Variants in NEK7 observed in about 807,000 individuals in gnomAD.
NEK7 encodes serine/threonine-protein kinase Nek7.
In NEK7, 18 loss-of-function variants were observed where a neutral mutation model predicts 44.6. The observed-to-expected ratio is 0.40, with a 90% CI of 0.28 to 0.60. The LOEUF is 0.60. NEK7 is among the 20% of genes least tolerant of loss of function. The pLI, the probability that NEK7 is intolerant of heterozygous loss-of-function variation, is 0.38. For synonymous variants in NEK7, 130 were observed against 121.1 expected, an observed-to-expected ratio of 1.07 and a Z score of -0.48; for missense variants, 256 against 366.5, an observed-to-expected ratio of 0.70 and a Z score of 2.46.
intron 2 of NEK7, among the ~76,000 whole-genome samples, chr1:198,252,446 T>G (rs1195803526): frequency 6.7e-6 from 1 of 149,190 alleles, no homozygotes; most frequent in Non-Finnish European, 1.5e-5. Context: ...GGAGTTCTTA[T>G]CTAAAAGTTC....
intron 2 of NEK7, among the ~76,000 whole-genome samples, chr1:198,248,522 A>G (rs900588221): frequency 1.3e-5 from 2 of 152,178 alleles, no homozygotes; most frequent in Admixed American, 6.6e-5. Context: ...TGAGAGCAGA[A>G]AGCATATCTC....
intron 9 of NEK7, among the ~76,000 whole-genome samples, chr1:198,316,263 T>A (rs143386286): frequency 6.6e-6 from 1 of 152,330 alleles, no homozygotes; most frequent in Non-Finnish European, 1.5e-5. Context: ...ATTTCTGATG[T>A]GACACAGCAT....
intron 1 of NEK7, among the ~76,000 whole-genome samples, chr1:198,206,602 A>G (rs1019606088): frequency 9.2e-5 from 14 of 152,096 alleles, no homozygotes; most frequent in African/African-American, 3.4e-4. Context: ...TTTCTTTGTC[A>G]GTGTATTGCC....
intron 1 of NEK7, among the ~76,000 whole-genome samples, chr1:198,171,989 A>G (rs1200676658): frequency 6.6e-6 from 1 of 152,200 alleles, no homozygotes; most frequent in African/African-American, 2.4e-5. Context: ...CTTATATTGT[A>G]AAAGTCTGTT....
At chr1:198,289,852 A>G (rs1045250843) in intron 7 of NEK7, among the ~76,000 whole-genome samples, 1 of 152,192 alleles carries the variant, frequency 6.6e-6, no homozygotes, top group African/African-American at 2.4e-5. Context: ...CAGGATAAAG[A>G]TTAGAATATA....
intron 1 of NEK7, among the ~76,000 whole-genome samples, chr1:198,222,907 T>A (rs1666110944): frequency 6.6e-6 from 1 of 152,072 alleles, no homozygotes; most frequent in Non-Finnish European, 1.5e-5. Context: ...GGCCGCACAC[T>A]ACTTTGGCGA....
rs1655525358 is a variant in NEK7, at chr1:198,321,193, G to T, written c.*1671G>T. 1 of 152,094 alleles carries T rather than the reference G, an allele frequency of 6.6e-6. No homozygotes were observed. Among genetic ancestry groups the T allele is most frequent in the African/African-American group, 2.4e-5 (1 of 41,416 alleles). The allele number at this position is 152,094 out of a possible 1,614,324, so 9.4% of individuals were successfully genotyped here. On this transcript the variant is annotated 3_prime_UTR_variant, in exon 10 of 10. Transcript: ENST00000367385. ...TGTAAACTTAAAAAATGTATAAAGG[G>T]CAAAAAGTCTGAACCCTTGTTTTCT... is the stretch of plus-strand genomic sequence containing the variant.
chr1:198,160,855 A>G (rs898672013), intron 1 of NEK7, among the ~76,000 whole-genome samples: 1 of 152,220 alleles, frequency 6.6e-6, no homozygotes, highest in African/African-American at 2.4e-5. Context: ...TTTGGTAATT[A>G]ATAGTTTGAT....
intron 9 of NEK7, 21 bp downstream of exon 9, chr1:198,297,261 A>T: frequency 1.2e-6 from 2 of 1,610,058 alleles, no homozygotes; most frequent in Non-Finnish European, 1.7e-6. Flanking sequence ...TTCAGCCCAC[A>T]TGTTCTTCTG....
chr1:198,163,716 A>C (rs1287482717), intron 1 of NEK7, among the ~76,000 whole-genome samples: 3 of 152,122 alleles, frequency 2.0e-5, no homozygotes, highest in East Asian at 3.8e-4. Context: ...CTTATTTTTC[A>C]TGGCAACCTA....
At chr1:198,235,673 A>G (rs1666528372) in intron 2 of NEK7, among the ~76,000 whole-genome samples, 1 of 152,184 alleles carries the variant, frequency 6.6e-6, no homozygotes, top group East Asian at 1.9e-4. Flanking sequence ...GAAGATGGCT[A>G]TGGTAGAGTC....
chr1:198,186,776 A>G (rs1022206461), intron 1 of NEK7, among the ~76,000 whole-genome samples: 1 of 152,186 alleles, frequency 6.6e-6, no homozygotes, highest in Non-Finnish European at 1.5e-5. Flanking sequence ...ACAATTATCA[A>G]CAGAATGAGG....
chr1:198,275,824 G>A (rs1158065250), intron 5 of NEK7, among the ~76,000 whole-genome samples: 1 of 150,488 alleles, frequency 6.6e-6, no homozygotes, highest in Non-Finnish European at 1.5e-5. Context: ...CATTTTAAGT[G>A]TTGGTTTTCT....
intron 3 of NEK7, among the ~76,000 whole-genome samples, chr1:198,260,095 A>G (rs1653405756): frequency 6.6e-6 from 1 of 152,186 alleles, no homozygotes; most frequent in South Asian, 2.1e-4. Flanking sequence ...TTTTATATGT[A>G]GAAAGGGTGG....
At chr1:198,273,924 G>C (rs1012639296) in intron 5 of NEK7, among the ~76,000 whole-genome samples, 1 of 151,580 alleles carries the variant, frequency 6.6e-6, no homozygotes, top group African/African-American at 2.4e-5. Context: ...TTATAATAGA[G>C]TGAGGAAGCT....
chr1:198,311,307 A>G (rs1655174439), intron 9 of NEK7, among the ~76,000 whole-genome samples: 1 of 41,502 alleles, frequency 2.4e-5, no homozygotes, highest in African/African-American at 3.2e-4. Context: ...AGACTTTGCT[A>G]AGTTGCTTAT....
intron 3 of NEK7, chr1:198,256,599 C>T (rs1653274336): frequency 2.3e-6 from 3 of 1,289,816 alleles, no homozygotes; most frequent in Non-Finnish European, 3.1e-6. Context: ...TCATTGAATT[C>T]ATTCCTCCAG....
chr1:198,169,880 T>C (rs750348859), intron 1 of NEK7, among the ~76,000 whole-genome samples: 7 of 152,240 alleles, frequency 4.6e-5, no homozygotes, highest in Non-Finnish European at 1.0e-4. Context: ...TACAGATCTG[T>C]GTTTTCTGTA....
intron 5 of NEK7, among the ~76,000 whole-genome samples, chr1:198,266,612 A>C (rs1303472997): frequency 5.3e-5 from 8 of 152,106 alleles, no homozygotes; most frequent in Admixed American, 5.2e-4. Flanking sequence ...GATTTTAATC[A>C]GTTGTCCTAG....
Sources: allele counts gnomAD v4.1 joint callset (sites outside exome capture counted in the v4.1 genomes callset), GRCh38; gene constraint gnomAD v4.1.1; transcripts MANE v1.5; gene names NCBI Gene and HGNC (gene_info 2026-07-23, HGNC 2026-07-21).